The following ROBO2 variants were observed in gnomAD, a reference collection of about 807,000 sequenced individuals.
The protein encoded by ROBO2 is roundabout guidance receptor 2, also known as roundabout homolog 2.
In ROBO2, 53 loss-of-function variants were observed where a neutral mutation model predicts 160.8. The observed-to-expected ratio is 0.33, with a 90% CI of 0.26 to 0.41. The LOEUF (loss-of-function observed/expected upper bound fraction) is 0.41. Among genes scored for constraint, ROBO2 ranks in the 10% least tolerant of loss-of-function variants. The pLI is 1.00. For synonymous variants in ROBO2, 664 were observed against 611.7 expected, an observed-to-expected ratio of 1.09 and a Z score of -1.26; for missense variants, 1,577 against 1,722.4, an observed-to-expected ratio of 0.92 and a Z score of 1.49.
At chr3:76,538,107 A>G (rs1380999948) in intron 2 of ROBO2, among the ~76,000 whole-genome samples, 1 of 151,680 alleles carries the variant, frequency 6.6e-6, no homozygotes, top group Non-Finnish European at 1.5e-5. Context: ...TGCAGGTCAC[A>G]GGGGTTATAA....
At chr3:77,382,670 G>A (rs6772330) in intron 2 of ROBO2, among the ~76,000 whole-genome samples, 126,371 of 152,122 alleles carry the variant, frequency 0.83, 52,635 homozygotes, top group East Asian at 1. Context: ...AACATACAGT[G>A]TTTGGTTTTT....
chr3:76,703,567 T>C (rs1194384033), intron 2 of ROBO2, among the ~76,000 whole-genome samples: 2 of 151,912 alleles, frequency 1.3e-5, no homozygotes, highest in South Asian at 4.2e-4. Context: ...CCTGTGTCCA[T>C]GTGTTCTCAT....
chr3:77,136,063 AT>A (rs1280031251), intron 2 of ROBO2, among the ~76,000 whole-genome samples: 1 of 152,120 alleles, frequency 6.6e-6, no homozygotes, highest in Non-Finnish European at 1.5e-5. Flanking sequence ...ATAAAGATAT[AT>A]TTTTTACCAG....
chr3:76,712,104 ATAAGAAAACACTTC>A (rs2093305833), intron 2 of ROBO2, among the ~76,000 whole-genome samples: 1 of 152,228 alleles, frequency 6.6e-6, no homozygotes, highest in African/African-American at 2.4e-5. Context: ...ATAAAAATGA[ATAAGAAAACACTTC>A]TGTTTTTGCC....
Position 76,452,453 on chromosome 3 carries a change from C to T in ROBO2, c.109+514851C>T, listed in dbSNP as rs1372179664. Among the ~76,000 whole-genome samples, 3 of 152,144 alleles carry T rather than the reference C, an allele frequency of 2.0e-5. No homozygotes were observed. In the East Asian group the frequency reaches 5.8e-4, roughly 29 times the overall value. The stretch of plus-strand genomic sequence containing the variant: ...GTTTTTTTGTCCTTGCAATAGTTTA[C>T]TGAGAATGATGATTTCCAATTTCAT... On this transcript the variant is annotated intron_variant, in intron 2 of 26. Transcript: ENST00000487694.
chr3:77,378,680 T>C (rs1403502530), intron 2 of ROBO2, among the ~76,000 whole-genome samples: 1 of 152,166 alleles, frequency 6.6e-6, no homozygotes, highest in Non-Finnish European at 1.5e-5. Flanking sequence ...TAGGTAAATA[T>C]ATTTGAAATA....
chr3:76,259,367 G>T (rs1459564393), intron 2 of ROBO2, among the ~76,000 whole-genome samples: 2 of 152,094 alleles, frequency 1.3e-5, no homozygotes, highest in Non-Finnish European at 2.9e-5. Flanking sequence ...TTCACTGCAT[G>T]CTTCTGGGCA....
intron 2 of ROBO2, among the ~76,000 whole-genome samples, chr3:77,248,968 C>A (rs1454784937): frequency 1.3e-5 from 2 of 152,114 alleles, no homozygotes; most frequent in Non-Finnish European, 2.9e-5. Flanking sequence ...ACCTCCACCG[C>A]CCGGGTTCAA....
chr3:76,786,084 G>A, intron 2 of ROBO2, among the ~76,000 whole-genome samples: 1 of 151,038 alleles, frequency 6.6e-6, no homozygotes, highest in East Asian at 2.0e-4. Context: ...ATATCATATG[G>A]ATATAAGCAC....
At chr3:76,839,007 C>T (rs2067977365) in intron 2 of ROBO2, among the ~76,000 whole-genome samples, 1 of 152,096 alleles carries the variant, frequency 6.6e-6, no homozygotes, top group Non-Finnish European at 1.5e-5. Context: ...GAACACTCTG[C>T]CTCACTGTGA....
At chr3:76,756,394 C>A (rs2060972077) in intron 2 of ROBO2, among the ~76,000 whole-genome samples, 1 of 151,764 alleles carries the variant, frequency 6.6e-6, no homozygotes, top group South Asian at 2.1e-4. Context: ...AAAAAAGTAA[C>A]CTAGAATAAA....
chr3:77,078,416 A>G (rs756946456), intron 1 of ROBO2, among the ~76,000 whole-genome samples: 1 of 152,140 alleles, frequency 6.6e-6, no homozygotes, highest in Non-Finnish European at 1.5e-5. Context: ...TCACCATTTT[A>G]CACCAAGGTT....
chr3:76,587,718 A>C (rs1279010257), intron 2 of ROBO2, among the ~76,000 whole-genome samples: 1 of 152,228 alleles, frequency 6.6e-6, no homozygotes, highest in Non-Finnish European at 1.5e-5. Flanking sequence ...CAAATGAATA[A>C]ATGAACTAAC....
chr3:77,124,371 G>A (rs1027877699), intron 2 of ROBO2, among the ~76,000 whole-genome samples: 3 of 152,088 alleles, frequency 2.0e-5, no homozygotes, highest in African/African-American at 7.2e-5. Flanking sequence ...TAGCGTTTTT[G>A]GACTGTGAGA....
chr3:76,382,715 G>C (rs2076698474), intron 2 of ROBO2, among the ~76,000 whole-genome samples: 1 of 152,206 alleles, frequency 6.6e-6, no homozygotes, highest in Admixed American at 6.5e-5. Context: ...ACATTGAATA[G>C]GAAAGAAAGA....
rs115205998 is a variant in ROBO2 at position 77,266,676 on chromosome 3, C to T, written c.388+168336C>T. Among the ~76,000 whole-genome samples the T allele has an allele frequency of 5.1e-3, 778 of 152,168 alleles. 8 individuals carry two copies. Among genetic ancestry groups the T allele is most frequent in the African/African-American group, 0.017 (697 of 41,526 alleles). ...TAAATCCCTGATCTACTAATTCTTG[C>T]GGTGTGATCTTGGGCAAATCCTTTA... On this transcript the variant is annotated intron_variant, in intron 2 of 25. Coordinates refer to ENST00000461745, the Ensembl canonical transcript of ROBO2.
chr3:77,103,545 A>T (rs1435000616), intron 2 of ROBO2, among the ~76,000 whole-genome samples: 1 of 152,176 alleles, frequency 6.6e-6, no homozygotes, highest in Non-Finnish European at 1.5e-5. Flanking sequence ...ACAAGAGAGA[A>T]CAGATGTGAT....
intron 2 of ROBO2, among the ~76,000 whole-genome samples, chr3:76,229,726 G>T (rs1308043427): frequency 1.3e-5 from 2 of 151,852 alleles, no homozygotes; most frequent in East Asian, 3.9e-4. Flanking sequence ...AAAATATTTT[G>T]ATAAATATTT....
chr3:76,823,652 G>A (rs1311405408), intron 2 of ROBO2, among the ~76,000 whole-genome samples: 1 of 152,056 alleles, frequency 6.6e-6, no homozygotes, highest in Non-Finnish European at 1.5e-5. Context: ...AAAAATGGAA[G>A]CAATAGAAAG....
Sources: allele counts gnomAD v4.1 joint callset (sites outside exome capture counted in the v4.1 genomes callset), GRCh38; gene constraint gnomAD v4.1.1; transcripts MANE v1.5; gene names NCBI Gene and HGNC (gene_info 2026-07-23, HGNC 2026-07-21).